ST6GALNAC6: variants seen among roughly 807,000 people sequenced by gnomAD.
ST6GALNAC6 encodes the protein alpha-N-acetylgalactosaminide alpha-2,6-sialyltransferase 6.
Under a neutral mutation model 34.3 loss-of-function variants are expected in ST6GALNAC6, and 19 were observed. The ratio of observed to expected loss-of-function variants is 0.55; its 90% CI spans 0.39 to 0.81. The LOEUF (loss-of-function observed/expected upper bound fraction) is 0.81, where lower values mean the gene tolerates loss of function less well. ST6GALNAC6 is among the 40% of genes least tolerant of loss of function. The pLI, the probability that ST6GALNAC6 is intolerant of heterozygous loss-of-function variation, is 0.00. For synonymous variants in ST6GALNAC6, 185 were observed against 182.1 expected, an observed-to-expected ratio of 1.02 and a Z score of -0.13; for missense variants, 377 against 467.7, an observed-to-expected ratio of 0.81 and a Z score of 1.79.
chr9:127,902,649 C>T (rs1296244790), upstream of ST6GALNAC6, among the ~76,000 whole-genome samples: 2 of 147,502 alleles, frequency 1.4e-5, no homozygotes, highest in Non-Finnish European at 3.0e-5. Context: ...AGTGCAATGG[C>T]GCGATCTCGG....
At chr9:127,902,849 A>G (rs1374704238), upstream of ST6GALNAC6, among the ~76,000 whole-genome samples, 1 of 151,418 alleles carries the variant, frequency 6.6e-6, no homozygotes, top group Non-Finnish European at 1.5e-5. Flanking sequence ...TTGGCCTCCC[A>G]AAGTGCTAGG....
upstream of ST6GALNAC6, chr9:127,903,320 T>G (rs1413684883): frequency 6.6e-6 from 1 of 152,154 alleles, no homozygotes; most frequent in Non-Finnish European, 1.5e-5. Context: ...TAAAAATACA[T>G]AACTATGCAT....
upstream of ST6GALNAC6, among the ~76,000 whole-genome samples, chr9:127,906,321 G>A (rs1830915072): frequency 6.6e-6 from 1 of 152,158 alleles, no homozygotes; most frequent in African/African-American, 2.4e-5. Flanking sequence ...CATTAGCATA[G>A]GGCCCTGATC....
chr9:127,887,646 GT>G, intron 5 of ST6GALNAC6, 55 bp from the exon 6 acceptor site: 1 of 1,440,434 alleles, frequency 6.9e-7, no homozygotes, highest in African/African-American at 1.4e-5. Flanking sequence ...ATGGGAGCAG[GT>G]GACCCAGGGT....
At chr9:127,902,408 C>CT (rs1260414253), upstream of ST6GALNAC6, among the ~76,000 whole-genome samples, 1 of 152,054 alleles carries the variant, frequency 6.6e-6, no homozygotes, top group Non-Finnish European at 1.5e-5. Flanking sequence ...GATCCGCCTG[C>CT]CTCAGCCTTC....
chr9:127,892,724 T>C (rs963123131), intron 4 of ST6GALNAC6, among the ~76,000 whole-genome samples: 2 of 152,200 alleles, frequency 1.3e-5, no homozygotes, highest in Admixed American at 6.5e-5. Context: ...GTTTTTAACA[T>C]AGATAACATC....
At position 127,885,382 on chromosome 9, in the gene ST6GALNAC6, C is replaced by G. The variant is rs1446163834; in HGVS notation, c.*1217G>C. The G allele has an allele frequency of 6.6e-6, 1 of 152,242 alleles. No individual in the cohort carries two copies. The highest frequency in any genetic ancestry group is 2.4e-5 in the African/African-American group (1 of 41,382). 9.4% of individuals were successfully genotyped at this position (152,242 alleles called of 1,614,324 possible). A position where few individuals can be genotyped will look rare whatever the true frequency, so the allele number is the denominator to read the frequency against. Reference sequence around the variant, plus strand: ...TACAAAACCAAGTCTGGGGCAGTCACCGCCCCCACCCATCACCCCAGTGTG... The same window carrying G: ...TACAAAACCAAGTCTGGGGCAGTCAGCGCCCCCACCCATCACCCCAGTGTG... On this transcript the variant is annotated 3_prime_UTR_variant, in exon 7 of 7. Coordinates refer to ENST00000373146, the MANE Select transcript of ST6GALNAC6 (RefSeq NM_013443.5).
At chr9:127,889,641 C>T (rs1406116418) in intron 5 of ST6GALNAC6, among the ~76,000 whole-genome samples, 2 of 151,886 alleles carry the variant, frequency 1.3e-5, no homozygotes, top group Non-Finnish European at 2.9e-5. Flanking sequence ...GACGGGGTTT[C>T]ACCATGCTGG....
chr9:127,899,073 C>A (rs1437374657), intron 1 of ST6GALNAC6, among the ~76,000 whole-genome samples: 1 of 152,196 alleles, frequency 6.6e-6, no homozygotes, highest in Admixed American at 6.5e-5. Flanking sequence ...CCCCACGAAC[C>A]CGCGTGGGAG....
intron 4 of ST6GALNAC6, 72 bp from the exon 5 acceptor site, chr9:127,891,115 C>T: frequency 6.6e-7 from 1 of 1,518,106 alleles, no homozygotes; most frequent in Non-Finnish European, 8.9e-7. Context: ...ATCCAGGCCT[C>T]CAGGACCCAG....
chr9:127,886,984 C>T (rs1359117647), intron 6 of ST6GALNAC6, among the ~76,000 whole-genome samples, 196 bp from the exon 7 acceptor site: 3 of 144,220 alleles, frequency 2.1e-5, no homozygotes, highest in African/African-American at 7.7e-5. Flanking sequence ...TTTTTAAATG[C>T]AGTGGCACTT....
At chr9:127,902,511 CT>C (rs953301321), upstream of ST6GALNAC6, among the ~76,000 whole-genome samples, 10 of 151,744 alleles carry the variant, frequency 6.6e-5, no homozygotes, top group South Asian at 1.9e-3. Flanking sequence ...TCTGGGGCTG[CT>C]TTTTTTCTTT....
chr9:127,893,659 C>G (rs920204600), intron 4 of ST6GALNAC6, among the ~76,000 whole-genome samples: 1 of 152,240 alleles, frequency 6.6e-6, no homozygotes, highest in Non-Finnish European at 1.5e-5. Flanking sequence ...CTCTGTCTCT[C>G]CTTTCCACAT....
chr9:127,887,637 T>C (rs780162050), intron 5 of ST6GALNAC6, 46 bp from the exon 6 acceptor site: 2 of 1,503,544 alleles, frequency 1.3e-6, no homozygotes, highest in Admixed American at 1.8e-5. Context: ...CAGGGAGAGA[T>C]GGGAGCAGGT....
chr9:127,894,378 C>G (rs1830320697), intron 4 of ST6GALNAC6, 134 bp downstream of exon 4: 1 of 1,156,264 alleles, frequency 8.6e-7, no homozygotes, highest in South Asian at 1.5e-5. Flanking sequence ...CAAGGTCACA[C>G]AGCAAGCAGC....
chr9:127,897,826 C>G, intron 2 of ST6GALNAC6, 130 bp downstream of exon 2: 9 of 1,565,394 alleles, frequency 5.7e-6, no homozygotes. Context: ...ACTTTCCCAC[C>G]TTTGCCCGAG....
upstream of ST6GALNAC6, among the ~76,000 whole-genome samples, chr9:127,902,034 C>A (rs1055465319): frequency 2.7e-4 from 41 of 152,144 alleles, no homozygotes; most frequent in Admixed American, 2.6e-4. Context: ...GGACTGAGTT[C>A]AAGAGGTTCA....
At chr9:127,887,410 C>A in intron 6 of ST6GALNAC6, 74 bp downstream of exon 6, 1 of 1,317,116 alleles carries the variant, frequency 7.6e-7, no homozygotes, top group Non-Finnish European at 1.1e-6. Context: ...GCCAAGGTTT[C>A]CAGCCCCTAG....
chr9:127,886,737 C>T lies in ST6GALNAC6; in HGVS notation c.864G>A (p.Gly288=). Residue 288 remains glycine, a synonymous_variant, in exon 7 of 7, where the codon GGG becomes GGA. Transcript: ENST00000373146. ...GGATGTAGGTGACACATTCGTCCGG[C>T]CCCTTGGGCTCGTAGTAGTGGTAGG... ...RMPYHYYEPK[G]PDECVTYIQN... The T allele has an allele frequency of 6.2e-7, 1 of 1,613,444 alleles. No homozygotes were observed.
Sources: gnomAD v4.1 joint callset for allele counts (sites outside exome capture counted in the v4.1 genomes callset) on GRCh38, gnomAD v4.1.1 for gene constraint, MANE v1.5 for transcripts, NCBI Gene and HGNC (gene_info 2026-07-23, HGNC 2026-07-21) for gene names.